ATP10D: variants seen among roughly 807,000 people sequenced by gnomAD.
ATP10D encodes the protein phospholipid-transporting ATPase VD.
In ATP10D, 89 loss-of-function variants were observed where a neutral mutation model predicts 144.8. That is an observed-to-expected ratio of 0.61 (90% confidence interval 0.52 to 0.73). ATP10D has a LOEUF of 0.73. Ranked by LOEUF, ATP10D falls within the 30% of genes least tolerant of loss-of-function variation. The pLI is 0.00. For synonymous variants in ATP10D, 571 were observed against 615.1 expected (o/e 0.93, Z 1.06); for missense variants, 1,603 against 1,714.8 (o/e 0.93, Z 1.15).
chr4:47,498,135 C>G (rs919377483), intron 1 of ATP10D, among the ~76,000 whole-genome samples: 1 of 152,200 alleles, frequency 6.6e-6, no homozygotes, highest in Admixed American at 6.5e-5. Flanking sequence ...AGAAGTCCCA[C>G]TAGGGCTGAG....
rs769666688 is a variant in ATP10D at position 47,536,468 on chromosome 4, G to C, written c.1047G>C (p.Lys349Asn). The change falls in exon 8 of 23, where the codon AAG (lysine) becomes AAC (asparagine). Residue 349 changes from lysine to asparagine, a missense_variant. Coordinates refer to ENST00000273859, the MANE Select transcript of ATP10D (RefSeq NM_020453.4). ...GAATCTGGCTGAGCAGGTATGAAAA[G>C]ATGCATTTTTTCAATGTTCCCGAGC... ...GHGIWLSRYEKMHFFNVPEPD... is the reference protein window; with the variant it reads ...GHGIWLSRYENMHFFNVPEPD... 1 of 1,613,496 alleles carries C rather than the reference G, an allele frequency of 6.2e-7. No homozygotes were observed. Among genetic ancestry groups the C allele is most frequent in the Non-Finnish European group, 8.5e-7 (1 of 1,179,540 alleles).
chr4:47,581,987 T>C lies in ATP10D; in HGVS notation c.3676T>C (p.Phe1226Leu). 2 of 1,614,042 alleles carry C rather than the reference T, an allele frequency of 1.2e-6. No individual in the cohort carries two copies. The highest frequency in any genetic ancestry group is 1.7e-6 in the Non-Finnish European group (2 of 1,179,956). ...FTYQGSDTDI[F>L]AFGNPLNTAA... ...CTACCAGGGCTCAGATACTGACATC[T>C]TTGCATTTGGAAACCCCCTGAACAC... Residue 1226 changes from phenylalanine (F) to leucine (L), a missense_variant, in exon 21 of 23, where the codon TTT becomes CTT. Coordinates refer to ENST00000273859, the MANE Select transcript of ATP10D (RefSeq NM_020453.4).
chr4:47,487,292 A>G (rs1394308182), intron 1 of ATP10D, among the ~76,000 whole-genome samples: 1 of 152,066 alleles, frequency 6.6e-6, no homozygotes, highest in East Asian at 1.9e-4. Flanking sequence ...AAACGAAGGG[A>G]AATGCTCAAA....
rs767708362 is a variant in ATP10D, at chr4:47,557,693, C to T, written c.1854C>T (p.Pro618=). Reference sequence around the variant, plus strand: ...GACACCCTTCACTGGGGGGGTTGCCCATTAAGTCTTTGGAAGAGATTAAAA... The same window carrying T: ...GACACCCTTCACTGGGGGGGTTGCCTATTAAGTCTTTGGAAGAGATTAAAA... ...KIRHPSLGGL[P]IKSLEEIKSL... The change falls in exon 12 of 23, where the codon CCC becomes CCT. Residue 618 remains proline (P), a synonymous_variant. Coordinates refer to ENST00000273859, the MANE Select transcript of ATP10D (RefSeq NM_020453.4). 6.2e-7 allele frequency: 1 copy of T among 1,612,558 alleles called. No individual in the cohort carries two copies. The highest frequency in any genetic ancestry group is 8.5e-7 in the Non-Finnish European group (1 of 1,178,696).
Position 47,525,577 on chromosome 4 carries a change from G to A in ATP10D, c.711G>A (p.Glu237=), listed in dbSNP as rs765186564. The A allele has an allele frequency of 6.2e-7, 1 of 1,613,364 alleles. No individual in the cohort carries two copies. Among genetic ancestry groups the A allele is most frequent in the African/African-American group, 1.3e-5 (1 of 75,044 alleles). Residue 237 remains glutamate, a synonymous_variant, in exon 5 of 23, where the codon GAG becomes GAA. Transcript: ENST00000273859. ...TTTAGGACTCTGAAGTTGATCCTGA[G>A]AAGTTTTCCAGTAGGATAGAATGTG... The part of the protein sequence containing the change: ...YAEQDSEVDP[E]KFSSRIECES...
chr4:47,512,892 T>C, intron 2 of ATP10D, 62 bp downstream of exon 2: 1 of 1,441,274 alleles, frequency 6.9e-7, no homozygotes, highest in Non-Finnish European at 9.4e-7. Flanking sequence ...TAACATATTT[T>C]TCATTTTCAT....
At chr4:47,572,332 G>T in intron 17 of ATP10D, 102 bp downstream of exon 17, 1 of 1,034,714 alleles carries the variant, frequency 9.7e-7, no homozygotes, top group Non-Finnish European at 1.5e-6. Context: ...GGCTGTGTGT[G>T]GCTAGCTGAG....
At chr4:47,514,867 A>G (rs1046173619) in intron 2 of ATP10D, among the ~76,000 whole-genome samples, 9 of 150,076 alleles carry the variant, frequency 6.0e-5, no homozygotes, top group African/African-American at 2.2e-4. Context: ...TGAACTTTTA[A>G]AAAGAAAATA....
At chr4:47,512,905 C>T in intron 2 of ATP10D, 75 bp downstream of exon 2, 1 of 1,357,484 alleles carries the variant, frequency 7.4e-7, no homozygotes, top group Non-Finnish European at 1.0e-6. Flanking sequence ...ATTTTCATAA[C>T]CCTGTATATT....
At chr4:47,506,819 G>A (rs976270851) in intron 1 of ATP10D, among the ~76,000 whole-genome samples, 1 of 152,180 alleles carries the variant, frequency 6.6e-6, no homozygotes, top group Non-Finnish European at 1.5e-5. Flanking sequence ...AAAAAAACAT[G>A]AGACCAGTTG....
At chr4:47,591,001 T>G in intron 22 of ATP10D, 41 bp from the exon 23 acceptor site, 2 of 1,372,456 alleles carry the variant, frequency 1.5e-6, no homozygotes, top group Non-Finnish European at 2.0e-6. Flanking sequence ...TGTAATGCAT[T>G]TGAGATGAAT....
At chr4:47,540,430 T>A (rs1358016552) in intron 9 of ATP10D, among the ~76,000 whole-genome samples, 1 of 152,194 alleles carries the variant, frequency 6.6e-6, no homozygotes, top group Non-Finnish European at 1.5e-5. Context: ...CTCAGACCCC[T>A]CTTCAGAGCT....
intron 9 of ATP10D, among the ~76,000 whole-genome samples, chr4:47,542,791 A>G (rs1718220896): frequency 1.3e-5 from 2 of 152,144 alleles, no homozygotes; most frequent in African/African-American, 2.4e-5. Flanking sequence ...TTTCCTTTTC[A>G]TAGCTTCCAC....
chr4:47,497,012 T>C (rs1715419786), intron 1 of ATP10D, among the ~76,000 whole-genome samples: 1 of 152,118 alleles, frequency 6.6e-6, no homozygotes, highest in African/African-American at 2.4e-5. Context: ...TGGCTAATTT[T>C]TGTATTTTTA....
rs548274430 is a variant in ATP10D, at chr4:47,591,171, T to G, written c.4071T>G (p.Asn1357Lys). The change falls in exon 23 of 23, where the codon AAT becomes AAG. Residue 1357 changes from asparagine (N) to lysine (K), a missense_variant. By Grantham distance (94) the Asn-to-Lys change is moderately conservative. Transcript: ENST00000273859. Reference sequence around the variant, plus strand: ...AGTGGAGAGGGGCTGGAAAGATGAATCAAGTGACATCAAAGTATGCTAACC... The same window carrying G: ...AGTGGAGAGGGGCTGGAAAGATGAAGCAAGTGACATCAAAGTATGCTAACC... ...LKKWRGAGKM[N>K]QVTSKYANQS... The G allele has an allele frequency of 1.7e-5, 27 of 1,613,452 alleles. No individual in the cohort carries two copies. In the African/African-American group the frequency reaches 3.5e-4, roughly 21 times the overall value.
At chr4:47,509,624 T>C (rs1716207881) in intron 1 of ATP10D, among the ~76,000 whole-genome samples, 1 of 152,246 alleles carries the variant, frequency 6.6e-6, no homozygotes, top group East Asian at 1.9e-4. Context: ...ATAGTCATCG[T>C]AATATACAAT....
rs987803328 is a variant in ATP10D, at chr4:47,560,881, G to A, written c.2542-68G>A. On this transcript the variant is annotated intron_variant, in intron 13 of 22. Transcript: ENST00000273859. ...GTTGATGGTTTGATATTTTGCCAGAGGTCAGTCCTGGTATTCCCACAAGAT... is the reference window on the plus strand; with the variant it reads ...GTTGATGGTTTGATATTTTGCCAGAAGTCAGTCCTGGTATTCCCACAAGAT... 2.5e-6 allele frequency: 4 copies of A among 1,584,414 alleles called. No individual in the cohort carries two copies. The African/African-American group carries it at 4.0e-5, about 16-fold the overall frequency.
intron 1 of ATP10D, among the ~76,000 whole-genome samples, chr4:47,505,100 T>C (rs1368427168): frequency 6.6e-6 from 1 of 152,224 alleles, no homozygotes; most frequent in Non-Finnish European, 1.5e-5. Context: ...TAAGACCTCA[T>C]CAACAATCTT....
chr4:47,499,818 A>G (rs1715588544), intron 1 of ATP10D, among the ~76,000 whole-genome samples: 1 of 152,214 alleles, frequency 6.6e-6, no homozygotes, highest in South Asian at 2.1e-4. Flanking sequence ...TTTTAGAACG[A>G]TAAAATTTAA....
Sources: allele counts gnomAD v4.1 joint callset (sites outside exome capture counted in the v4.1 genomes callset), GRCh38; gene constraint gnomAD v4.1.1; transcripts MANE v1.5; gene names NCBI Gene and HGNC (gene_info 2026-07-23, HGNC 2026-07-21).